The following TRIM37 variants were observed in gnomAD, a reference collection of about 807,000 sequenced individuals.
TRIM37 encodes the protein E3 ubiquitin-protein ligase TRIM37.
TRIM37 carries 80 observed loss-of-function variants against 129.8 expected under a neutral mutation model. That is an observed-to-expected ratio of 0.62 (90% CI 0.51 to 0.74). The LOEUF (loss-of-function observed/expected upper bound fraction) is 0.74, where lower values mean the gene tolerates loss of function less well. Among genes scored for constraint, TRIM37 ranks in the 30% least tolerant of loss-of-function variants. TRIM37 has a pLI of 0.00. For missense variants in TRIM37, 1,054 were observed against 1,176.5 expected (o/e 0.90, Z 1.52); for synonymous variants, 389 against 387.1 (o/e 1.00, Z -0.06).
At chr17:59,088,472 C>T (rs867300179) in intron 3 of TRIM37, 65 bp from the exon 4 acceptor site, 12 of 1,020,560 alleles carry the variant, frequency 1.2e-5, no homozygotes, top group Middle Eastern at 2.0e-4. Flanking sequence ...AAAATAAATA[C>T]GTTTCTCAAA....
intron 22 of TRIM37, among the ~76,000 whole-genome samples, chr17:59,002,261 T>A (rs888839935): frequency 5.9e-5 from 9 of 152,156 alleles, no homozygotes; most frequent in African/African-American, 2.2e-4. Context: ...AGAGACAGGG[T>A]CTCGCTCTGT....
At chr17:59,048,807 G>A (rs139262785) in intron 15 of TRIM37, among the ~76,000 whole-genome samples, 2,127 of 152,314 alleles carry the variant, frequency 0.014, 23 homozygotes, top group Non-Finnish European at 0.022. Context: ...ATGTTGGCCA[G>A]GATAGTCTCG....
intron 1 of TRIM37, chr17:59,104,617 G>A (rs2045825634): frequency 3.0e-6 from 2 of 670,078 alleles, no homozygotes; most frequent in South Asian, 3.1e-5. Flanking sequence ...GGAAAATATA[G>A]GAAATGCAAA....
intron 12 of TRIM37, among the ~76,000 whole-genome samples, chr17:59,060,628 T>C (rs2041397596): frequency 6.6e-6 from 1 of 152,196 alleles, no homozygotes; most frequent in Non-Finnish European, 1.5e-5. Flanking sequence ...AAACGGGGAA[T>C]GGGAAGTGAC....
rs2041019048 is a variant in TRIM37, at chr17:59,057,153, G to A, written c.1020-99C>T. The stretch of plus-strand genomic sequence containing the variant: ...AGGTCACTAAGTAATTACCTGAGAA[G>A]AAACCTTATTGATATACGCAGTTAC... On this transcript the variant is annotated intron_variant, in intron 12 of 23. Coordinates refer to ENST00000262294, the MANE Select transcript of TRIM37 (RefSeq NM_015294.6). The A allele has an allele frequency of 7.8e-6, 8 of 1,022,620 alleles. No homozygotes were observed. The East Asian group carries it at 2.0e-4, about 25-fold the overall frequency. The allele number at this position is 1,022,620 out of a possible 1,614,324, so 63.3% of individuals were successfully genotyped here.
At chr17:59,058,339 T>C (rs1419365840) in intron 12 of TRIM37, among the ~76,000 whole-genome samples, 2 of 152,162 alleles carry the variant, frequency 1.3e-5, no homozygotes, top group Admixed American at 1.3e-4. Context: ...GATGAGAACT[T>C]ATGAACACAA....
chr17:59,088,374 A>C lies in TRIM37; in HGVS notation c.198T>G (p.Cys66Trp). 6.2e-7 allele frequency: 1 copy of C among 1,613,830 alleles called. No homozygotes were observed. The highest frequency in any genetic ancestry group is 2.2e-5 in the East Asian group (1 of 44,866). ...APLQLRELVNCRWAEEVTQQL... is the reference protein window; with the variant it reads ...APLQLRELVNWRWAEEVTQQL... ...GTTGTGTTACTTCTTCTGCCCAACG[A>C]CAATTTACTAGTTCTCGTAGCTGGA... The change falls in exon 4 of 24, where the codon TGT becomes TGG. Residue 66 changes from cysteine to tryptophan, a missense_variant. Coordinates refer to ENST00000262294, the MANE Select transcript of TRIM37 (RefSeq NM_015294.6).
intron 19 of TRIM37, among the ~76,000 whole-genome samples, chr17:59,018,147 T>C (rs2036176282): frequency 6.6e-6 from 1 of 151,930 alleles, no homozygotes; most frequent in Non-Finnish European, 1.5e-5. Context: ...GAAAAGAAAA[T>C]GTACGGCCTT....
At chr17:58,987,710 G>A (rs1016152555) in intron 24 of TRIM37, among the ~76,000 whole-genome samples, 17 of 152,068 alleles carry the variant, frequency 1.1e-4, no homozygotes, top group Admixed American at 5.2e-4. Flanking sequence ...ATGCAAAAAA[G>A]AAAATAGCTC....
At chr17:59,017,540 C>A in intron 19 of TRIM37, 116 bp from the exon 20 acceptor site, 1 of 1,405,890 alleles carries the variant, frequency 7.1e-7, no homozygotes. Flanking sequence ...TCTCTACTGT[C>A]TAAAAATAAA....
rs1460731799 is a variant in TRIM37 at position 59,056,886 on chromosome 17, T to C, written c.1188A>G (p.Thr396=). 15 of 1,613,764 alleles carry C rather than the reference T, an allele frequency of 9.3e-6. No homozygotes were observed. The highest frequency in any genetic ancestry group is 1.3e-5 in the Non-Finnish European group (15 of 1,179,860). Residue 396 remains threonine, a synonymous_variant, in exon 13 of 24, where the codon ACA becomes ACG. Coordinates refer to ENST00000262294, the MANE Select transcript of TRIM37 (RefSeq NM_015294.6). The part of the protein sequence containing the change: ...NEGYLNPQND[T]VILRFQVRSP... The stretch of plus-strand genomic sequence containing the variant: ...ATTTTTCCTGTTACCTTAAAATCAC[T>C]GTATCATTTTGTGGATTCAAGTATC...
chr17:58,973,933 C>T, the TRIM37 span, among the ~76,000 whole-genome samples: 138 of 119,078 alleles, frequency 1.2e-3, no homozygotes, highest in Middle Eastern at 0.027. Flanking sequence ...GGCTGGGCGA[C>T]AGAGCGAGAC....
intron 17 of TRIM37, among the ~76,000 whole-genome samples, chr17:59,036,509 G>A (rs140432571): frequency 6.6e-6 from 1 of 151,338 alleles, no homozygotes; most frequent in African/African-American, 2.4e-5. Flanking sequence ...AAGAGACAGG[G>A]TCTTGCTCTG....
At chr17:59,051,383 G>T in intron 13 of TRIM37, 55 bp from the exon 14 acceptor site, 2 of 1,253,482 alleles carry the variant, frequency 1.6e-6, no homozygotes, top group Non-Finnish European at 2.3e-6. Flanking sequence ...AACATTATCA[G>T]TCTAGCACTG....
intron 15 of TRIM37, among the ~76,000 whole-genome samples, chr17:59,048,490 G>A (rs977007048): frequency 6.6e-6 from 1 of 152,178 alleles, no homozygotes; most frequent in Non-Finnish European, 1.5e-5. Context: ...TCTGACTGTT[G>A]TTTAGCTGGG....
chr17:59,104,264 A>G (rs1454481891), intron 2 of TRIM37, 29 bp downstream of exon 2: 1 of 1,554,718 alleles, frequency 6.4e-7, no homozygotes, highest in Non-Finnish European at 8.9e-7. Flanking sequence ...TATATATACT[A>G]ACTGCATGTA....
chr17:59,064,584 T>G (rs548239569), intron 9 of TRIM37, among the ~76,000 whole-genome samples, 179 bp from the exon 10 acceptor site: 1 of 152,272 alleles, frequency 6.6e-6, no homozygotes, highest in East Asian at 1.9e-4. Flanking sequence ...ACCATCAAGT[T>G]TGCAATTAAA....
chr17:58,983,103 A>G (rs2031467111), intron 24 of TRIM37: 1 of 554,832 alleles, frequency 1.8e-6, no homozygotes, highest in East Asian at 3.0e-5. Flanking sequence ...CTCAGTGGGG[A>G]AAAAAATGGC....
At chr17:58,967,349 T>G in the TRIM37 span, among the ~76,000 whole-genome samples, 2 of 152,104 alleles carry the variant, frequency 1.3e-5, no homozygotes, top group East Asian at 3.9e-4. Context: ...ATGATAACTA[T>G]GATATGCTCA....
Sources: gnomAD v4.1 joint callset for allele counts (sites outside exome capture counted in the v4.1 genomes callset) on GRCh38, gnomAD v4.1.1 for gene constraint, MANE v1.5 for transcripts, NCBI Gene and HGNC (gene_info 2026-07-23, HGNC 2026-07-21) for gene names.